Variants in LATS1 observed in about 807,000 individuals in gnomAD.
The protein encoded by LATS1 is serine/threonine-protein kinase LATS1.
A neutral mutation model predicts 106.6 loss-of-function variants in LATS1; 25 were observed. The observed-to-expected ratio is 0.23, with a 90% CI of 0.17 to 0.33. The LOEUF is 0.33. Among genes scored for constraint, LATS1 ranks in the 10% least tolerant of loss-of-function variants. The probability of loss-of-function intolerance (pLI) is 1.00; values close to 1 mark genes in which losing one functional copy is unlikely to be tolerated. For missense variants in LATS1, 1,040 were observed against 1,382.6 expected, an observed-to-expected ratio of 0.75 and a Z score of 3.93; for synonymous variants, 465 against 455.6, an observed-to-expected ratio of 1.02 and a Z score of -0.26.
intron 2 of LATS1, among the ~76,000 whole-genome samples, chr6:149,701,425 C>T (rs930427848): frequency 5.3e-5 from 8 of 152,134 alleles, no homozygotes. Context: ...ACTATCATTT[C>T]CCCAACAGCC....
chr6:149,682,857 C>T (rs1268955359), intron 4 of LATS1: 2 of 535,792 alleles, frequency 3.7e-6, no homozygotes, highest in Non-Finnish European at 3.2e-6. Flanking sequence ...TCTTAATTTA[C>T]ACGAGATTTT....
At chr6:149,714,314 C>T (rs1784269174) in intron 1 of LATS1, among the ~76,000 whole-genome samples, 1 of 152,018 alleles carries the variant, frequency 6.6e-6, no homozygotes, top group Non-Finnish European at 1.5e-5. Context: ...TGCTAGGTTG[C>T]CCAGGCTGGT....
chr6:149,673,570 A>C (rs867828949), intron 7 of LATS1, among the ~76,000 whole-genome samples: 2 of 152,012 alleles, frequency 1.3e-5, no homozygotes, highest in Admixed American at 1.3e-4. Context: ...AAATAAAGAT[A>C]ATTTCAGACA....
chr6:149,659,471 A>C lies in LATS1; in HGVS notation c.*2258T>G, dbSNP rs1436267429. The stretch of plus-strand genomic sequence containing the variant: ...GAGACCCTGTCTCAAAACAAAAAAC[A>C]AAAAAAGAATACAAAATTTGTAGTG... On this transcript the variant is annotated 3_prime_UTR_variant, in exon 8 of 8. Transcript: ENST00000543571. 1.3e-5 allele frequency: 3 copies of C among 224,008 alleles called. No individual in the cohort carries two copies. Among genetic ancestry groups the C allele is most frequent in the Non-Finnish European group, 2.7e-5 (3 of 112,364 alleles). 13.9% of individuals were successfully genotyped at this position (224,008 alleles called of 1,614,324 possible).
Position 149,680,338 on chromosome 6 carries a change from T to A in LATS1, c.2130A>T (p.Thr710=), listed in dbSNP as rs758611231. 1 of 1,613,960 alleles carries A rather than the reference T, an allele frequency of 6.2e-7. No individual in the cohort carries two copies. Among genetic ancestry groups the A allele is most frequent in the Non-Finnish European group, 8.5e-7 (1 of 1,179,954 alleles). Residue 710 remains threonine (T), a synonymous_variant, in exon 5 of 8, where the codon ACA becomes ACT. Transcript: ENST00000543571. ...CTTCACCAAATGCTCCTATTCCTAG[T>A]GTCTTTATCTTCACAAACATAGACT... ...MDKSMFVKIK[T]LGIGAFGEVC... is the part of the protein sequence containing the mutation.
Position 149,684,066 on chromosome 6 carries a change from T to A in LATS1, c.1023A>T (p.Pro341=). ...IMQSSSKFNF[P]SGRPGMQNGT... Reference sequence around the variant, plus strand: ...CATTCTGCATTCCAGGTCTCCCTGATGGAAAGTTAAATTTGCTAGAACTCT... The same window carrying A: ...CATTCTGCATTCCAGGTCTCCCTGAAGGAAAGTTAAATTTGCTAGAACTCT... The change falls in exon 4 of 8, where the codon CCA becomes CCT. Residue 341 remains proline, a synonymous_variant. Coordinates refer to ENST00000543571, the MANE Select transcript of LATS1 (RefSeq NM_004690.4). 1 of 1,614,148 alleles carries A rather than the reference T, an allele frequency of 6.2e-7. No homozygotes were observed. Among genetic ancestry groups the A allele is most frequent in the South Asian group, 1.1e-5 (1 of 91,078 alleles).
At chr6:149,686,692 A>T (rs1782391945) in intron 3 of LATS1, among the ~76,000 whole-genome samples, 1 of 152,208 alleles carries the variant, frequency 6.6e-6, no homozygotes, top group Non-Finnish European at 1.5e-5. Context: ...CCTTTTAAAA[A>T]GCCAGCTCTT....
At chr6:149,696,044 T>C (rs1783044011) in intron 2 of LATS1, among the ~76,000 whole-genome samples, 1 of 151,862 alleles carries the variant, frequency 6.6e-6, no homozygotes, top group East Asian at 2.0e-4. Context: ...TAGCTGGGAT[T>C]ACAGGCACGC....
chr6:149,682,313 TTAATAAGATA>T (rs1782083346), intron 4 of LATS1, among the ~76,000 whole-genome samples: 4 of 152,176 alleles, frequency 2.6e-5, no homozygotes, highest in African/African-American at 7.2e-5. Context: ...TTTACACTTT[TTAATAAGATA>T]TATGTGATGA....
At chr6:149,688,756 G>A (rs1334774113) in intron 3 of LATS1, among the ~76,000 whole-genome samples, 2 of 152,224 alleles carry the variant, frequency 1.3e-5, no homozygotes, top group African/African-American at 4.8e-5. Context: ...ATAAATAAAT[G>A]AGGTAACTTC....
Position 149,683,154 on chromosome 6 carries a change from T to C in LATS1, c.1935A>G (p.Gln645=), listed in dbSNP as rs183429173. Residue 645 remains glutamine, a synonymous_variant, in exon 4 of 8, where the codon CAA becomes CAG. Transcript: ENST00000543571. ...SPQAFKFFME[Q]HVENVLKSHQ... ...GAGATTTGAGTACATTTTCTACATG[T>C]TGCTCCATAAAGAATTTAAATGCTT... 439 of 1,613,312 alleles carry C rather than the reference T, an allele frequency of 2.7e-4. 1 individual carries two copies. Among genetic ancestry groups the C allele is most frequent in the Middle Eastern group, 6.7e-4 (4 of 6,002 alleles).
chr6:149,679,276 C>T (rs1440205408), intron 5 of LATS1, among the ~76,000 whole-genome samples: 3 of 151,936 alleles, frequency 2.0e-5, no homozygotes, highest in African/African-American at 7.2e-5. Context: ...TTTGGCCAGG[C>T]GCAGGGGGCT....
At chr6:149,717,614 G>C (rs1784480523) in intron 1 of LATS1, 1 of 154,364 alleles carries the variant, frequency 6.5e-6, no homozygotes, top group Admixed American at 6.5e-5. Flanking sequence ...CTCCGAGGCC[G>C]AAAAGCCTGG....
intron 7 of LATS1, chr6:149,675,602 G>A (rs1781675568): frequency 6.6e-6 from 1 of 152,340 alleles, no homozygotes; most frequent in Admixed American, 6.5e-5. Flanking sequence ...TTTCACCCAG[G>A]GTGGAGTGCG....
At chr6:149,679,648 G>A (rs928021277) in intron 5 of LATS1, among the ~76,000 whole-genome samples, 1 of 151,432 alleles carries the variant, frequency 6.6e-6, no homozygotes, top group Non-Finnish European at 1.5e-5. Context: ...AAACAATCAA[G>A]TCTAGCACAT....
rs1782243080 is a variant in LATS1, at chr6:149,684,400, T to C, written c.689A>G (p.Asn230Ser). The C allele has an allele frequency of 6.2e-7, 1 of 1,613,926 alleles. No homozygotes were observed. Among genetic ancestry groups the C allele is most frequent in the Non-Finnish European group, 8.5e-7 (1 of 1,180,018 alleles). Residue 230 changes from asparagine to serine, a missense_variant, in exon 4 of 8, where the codon AAC becomes AGC. Transcript: ENST00000543571. ...ISAFVQAHPS[N>S]GQRVNPPPPP... ...TGGTGGGGGGTTCACTCTCTGTCCG[T>C]TGCTAGGGTGAGCTTGAACAAATGC...
At chr6:149,685,576 G>A (rs1782327992) in intron 3 of LATS1, among the ~76,000 whole-genome samples, 1 of 152,048 alleles carries the variant, frequency 6.6e-6, no homozygotes, top group Non-Finnish European at 1.5e-5. Context: ...AGTAGAGACG[G>A]GGTTTCGCCA....
At chr6:149,669,467 T>G (rs1057457068) in intron 7 of LATS1, among the ~76,000 whole-genome samples, 1 of 151,960 alleles carries the variant, frequency 6.6e-6, no homozygotes, top group Non-Finnish European at 1.5e-5. Flanking sequence ...ATGTAATGTA[T>G]AAAATAACTA....
chr6:149,715,367 A>G (rs1784328792), intron 1 of LATS1, among the ~76,000 whole-genome samples: 2 of 152,190 alleles, frequency 1.3e-5, no homozygotes, highest in African/African-American at 2.4e-5. Context: ...GCGCCCGGCT[A>G]GATGTACTAT....
Sources: gnomAD v4.1 joint callset for allele counts (sites outside exome capture counted in the v4.1 genomes callset) on GRCh38, gnomAD v4.1.1 for gene constraint, MANE v1.5 for transcripts, NCBI Gene and HGNC (gene_info 2026-07-23, HGNC 2026-07-21) for gene names.